Variants in IARS2 observed in about 807,000 individuals in gnomAD.
IARS2 encodes the protein isoleucine--tRNA ligase, mitochondrial.
A neutral mutation model predicts 126.3 loss-of-function variants in IARS2; 56 were observed. The observed-to-expected ratio is 0.44, with a 90% CI of 0.36 to 0.55. The LOEUF is 0.55. Ranked by LOEUF, IARS2 falls within the 20% of genes least tolerant of loss-of-function variation. IARS2 has a pLI of 0.00. For missense variants in IARS2, 1,127 were observed against 1,245.9 expected, an observed-to-expected ratio of 0.90 and a Z score of 1.44; for synonymous variants, 407 against 441.1, an observed-to-expected ratio of 0.92 and a Z score of 0.97.
intron 11 of IARS2, 84 bp downstream of exon 11, chr1:220,111,021 T>C: frequency 8.0e-7 from 1 of 1,252,700 alleles, no homozygotes; most frequent in Non-Finnish European, 1.1e-6. Context: ...AGGTGGGGTT[T>C]CAGGAGTAAT....
At chr1:220,101,951 G>A (rs969320842) in intron 3 of IARS2, among the ~76,000 whole-genome samples, 178 bp from the exon 4 acceptor site, 5 of 152,136 alleles carry the variant, frequency 3.3e-5, no homozygotes, top group Admixed American at 1.3e-4. Context: ...GCAGTGAGCC[G>A]AGATCATGCC....
In IARS2 at chr1:220,114,377, G is replaced by C; in HGVS notation, c.1543G>C (p.Asp515His). The C allele has an allele frequency of 6.2e-7, 1 of 1,613,932 alleles. No individual in the cohort carries two copies. Among genetic ancestry groups the C allele is most frequent in the Admixed American group, 1.7e-5 (1 of 60,024 alleles). ...SALNGMVEMMDRRPYWCISRQ... is the reference protein window; with the variant it reads ...SALNGMVEMMHRRPYWCISRQ... ...ACTGAATGGCATGGTTGAAATGATG[G>C]ACAGGCGGCCATATTGGTGTATATC... Residue 515 changes from aspartate to histidine, a missense_variant, in exon 12 of 23, where the codon GAC (aspartate) becomes CAC (histidine). Asp to His is a moderately conservative substitution (Grantham distance 81). Coordinates refer to ENST00000366922, the MANE Select transcript of IARS2 (RefSeq NM_018060.4).
intron 11 of IARS2, among the ~76,000 whole-genome samples, chr1:220,113,544 TGGTAG>T: frequency 6.6e-6 from 1 of 152,306 alleles, no homozygotes. Flanking sequence ...TTAAATCAAA[TGGTAG>T]CAGTTTTCAA....
In IARS2 at chr1:220,136,890, T is replaced by C. The variant is rs776455073; in HGVS notation, c.2028T>C (p.Asp676=). The C allele has an allele frequency of 1.0e-5, 16 of 1,607,538 alleles. No individual in the cohort carries two copies. The South Asian group carries it at 1.7e-4, about 17-fold the overall frequency. ...SKSLGNVIHP[D]VVVNGGQDQS... ...CTCTTGGGAATGTCATTCATCCTGA[T>C]GTTGTCGTTAATGGAGGACAAGTAG... is the stretch of plus-strand genomic sequence containing the variant. Residue 676 remains aspartate, a synonymous_variant, in exon 16 of 23, where the codon GAT becomes GAC. Coordinates refer to ENST00000366922, the MANE Select transcript of IARS2 (RefSeq NM_018060.4).
At position 220,102,626 on chromosome 1, in the gene IARS2, A is replaced by C. The variant is rs766741951; in HGVS notation, c.859+22A>C. On this transcript the variant is annotated intron_variant, in intron 6 of 22. Coordinates refer to ENST00000366922, the MANE Select transcript of IARS2 (RefSeq NM_018060.4). ...ATAGGTAAGATTTATTCATAGCTTGAGTGTACCAAAGTTATAGAATTATCC... is the reference window on the plus strand; with the variant it reads ...ATAGGTAAGATTTATTCATAGCTTGCGTGTACCAAAGTTATAGAATTATCC... 5.7e-6 allele frequency: 9 copies of C among 1,585,694 alleles called. No homozygotes were observed. The Admixed American group carries it at 1.5e-4, about 26-fold the overall frequency.
At chr1:220,145,396 G>A in intron 21 of IARS2, 113 bp from the exon 22 acceptor site, 1 of 864,082 alleles carries the variant, frequency 1.2e-6, no homozygotes, top group South Asian at 2.1e-5. Flanking sequence ...AGGATGCAAT[G>A]GTATACCAGA....
chr1:220,134,775 T>G (rs942029726), intron 15 of IARS2: 7 of 222,620 alleles, frequency 3.1e-5, no homozygotes, highest in African/African-American at 4.5e-5. Context: ...GTTGTTTTTT[T>G]TTTTTTTTTT....
At chr1:220,130,945 A>G (rs1378702025) in intron 14 of IARS2, among the ~76,000 whole-genome samples, 1 of 152,136 alleles carries the variant, frequency 6.6e-6, no homozygotes, top group Non-Finnish European at 1.5e-5. Flanking sequence ...CCATTGGTCT[A>G]AGTGTCTGTT....
At chr1:220,125,142 A>T in intron 12 of IARS2, 95 bp from the exon 13 acceptor site, 2 of 688,922 alleles carry the variant, frequency 2.9e-6, no homozygotes, top group Non-Finnish European at 4.6e-6. Flanking sequence ...GGTTTGAGGA[A>T]AAAGGAAAAT....
At chr1:220,144,060 G>T (rs931074136) in intron 21 of IARS2, 74 of 1,319,028 alleles carry the variant, frequency 5.6e-5, no homozygotes, top group South Asian at 1.1e-4. Flanking sequence ...AACCAAACTG[G>T]CGGGATGGAA....
intron 12 of IARS2, among the ~76,000 whole-genome samples, chr1:220,124,868 G>T (rs1259982488): frequency 2.0e-5 from 3 of 152,182 alleles, no homozygotes; most frequent in Non-Finnish European, 4.4e-5. Context: ...GAGGGAATGA[G>T]GTTGGACTGA....
chr1:220,101,002 A>C (rs1656559164), intron 3 of IARS2, among the ~76,000 whole-genome samples: 1 of 152,152 alleles, frequency 6.6e-6, no homozygotes, highest in Admixed American at 6.6e-5. Context: ...TAAAATACAT[A>C]TATTTTACAT....
At position 220,102,126 on chromosome 1, in the gene IARS2, T is replaced by C; in HGVS notation, c.551-3T>C. On this transcript the variant is annotated splice_polypyrimidine_tract_variant and splice_region_variant and intron_variant, in intron 3 of 22. Coordinates refer to ENST00000366922, the MANE Select transcript of IARS2 (RefSeq NM_018060.4). ...TAAAATCTTTTTTTCGTCTTTTTTT[T>C]AGCTAGATCATTTGCTAAAGCAGCC... The C allele has an allele frequency of 6.3e-7, 1 of 1,592,158 alleles. No individual in the cohort carries two copies. The highest frequency in any genetic ancestry group is 8.5e-7 in the Non-Finnish European group (1 of 1,174,794).
At chr1:220,094,962 C>T (rs554768246) in intron 1 of IARS2, among the ~76,000 whole-genome samples, 6 of 150,774 alleles carry the variant, frequency 4.0e-5, no homozygotes, top group Non-Finnish European at 7.4e-5. Flanking sequence ...TCACCCCCAC[C>T]CCCCCGTCCT....
chr1:220,134,467 T>C lies in IARS2; in HGVS notation c.1903T>C (p.Ser635Pro). 1.9e-6 allele frequency: 3 copies of C among 1,613,684 alleles called. No individual in the cohort carries two copies. Among genetic ancestry groups the C allele is most frequent in the African/African-American group, 1.3e-5 (1 of 75,022 alleles). The change falls in exon 15 of 23, where the codon TCC (serine) becomes CCC (proline). Residue 635 changes from serine to proline, a missense_variant. Physicochemically the swap from Ser to Pro is moderately conservative, Grantham distance 74. Coordinates refer to ENST00000366922, the MANE Select transcript of IARS2 (RefSeq NM_018060.4). ...CCAGCTCGGGGGTTGGTTTCAGTCA[T>C]CCTTATTAACAAGTGTGGCAGCAAG... ...KDQLGGWFQS[S>P]LLTSVAARKR... is the part of the protein sequence containing the mutation.
At chr1:220,105,537 T>G (rs1485228818) in intron 8 of IARS2, among the ~76,000 whole-genome samples, 4 of 152,136 alleles carry the variant, frequency 2.6e-5, no homozygotes, top group African/African-American at 9.7e-5. Context: ...GTAATTTGTA[T>G]GGGGTAGGTT....
intron 3 of IARS2, 109 bp from the exon 4 acceptor site, chr1:220,102,020 G>T: frequency 9.5e-7 from 1 of 1,051,098 alleles, no homozygotes; most frequent in Non-Finnish European, 1.4e-6. Context: ...AAAAAAATTT[G>T]CATTCTAAAC....
intron 17 of IARS2, 57 bp downstream of exon 17, chr1:220,138,100 A>G: frequency 4.5e-6 from 7 of 1,556,520 alleles, no homozygotes; most frequent in Non-Finnish European, 6.2e-6. Context: ...TCATTGTTTT[A>G]AAAAATGAGA....
At chr1:220,102,889 T>C in intron 7 of IARS2, 112 bp downstream of exon 7, 1 of 689,580 alleles carries the variant, frequency 1.5e-6, no homozygotes, top group South Asian at 1.8e-5. Context: ...TAATGAATTA[T>C]AACTTAGTTA....
Sources: allele counts gnomAD v4.1 joint callset (sites outside exome capture counted in the v4.1 genomes callset), GRCh38; gene constraint gnomAD v4.1.1; transcripts MANE v1.5; gene names NCBI Gene and HGNC (gene_info 2026-07-23, HGNC 2026-07-21).